Variants in MCM5 observed in about 807,000 individuals in gnomAD.
MCM5 encodes the protein DNA replication licensing factor MCM5.
In MCM5, 46 loss-of-function variants were observed where a neutral mutation model predicts 79.9. The ratio of observed to expected loss-of-function variants is 0.58; its 90% CI spans 0.45 to 0.74. MCM5 has a LOEUF of 0.74. Ranked by LOEUF, MCM5 falls within the 30% of genes least tolerant of loss-of-function variation. The pLI is 0.00. For synonymous variants in MCM5, 404 were observed against 390.5 expected, an observed-to-expected ratio of 1.03 and a Z score of -0.41; for missense variants, 883 against 1,017.0, an observed-to-expected ratio of 0.87 and a Z score of 1.79.
intron 6 of MCM5, 53 bp from the exon 7 acceptor site, chr22:35,410,691 C>T: frequency 6.5e-7 from 1 of 1,530,220 alleles, no homozygotes; most frequent in Non-Finnish European, 9.1e-7. Flanking sequence ...CAGAGACTTG[C>T]TGTCCAAGTC....
Position 35,423,244 on chromosome 22 carries a change from A to C in MCM5, c.2006A>C (p.Gln669Pro), listed in dbSNP as rs1932739179. 1 of 1,600,410 alleles carries C rather than the reference A, an allele frequency of 6.2e-7. No homozygotes were observed. Among genetic ancestry groups the C allele is most frequent in the African/African-American group, 1.3e-5 (1 of 74,706 alleles). ...GVEGFTSQED[Q>P]EMLSRIEKQL... is the part of the protein sequence containing the mutation. Reference sequence around the variant, plus strand: ...GAGGGCTTCACCAGCCAGGAGGACCAGGAGATGCTGAGCCGCATCGAGAAG... The same window carrying C: ...GAGGGCTTCACCAGCCAGGAGGACCCGGAGATGCTGAGCCGCATCGAGAAG... The change falls in exon 16 of 17, where the codon CAG becomes CCG. Residue 669 changes from glutamine to proline, a missense_variant. Around this residue, in one of 3 missense-constraint regions of MCM5, gnomAD observed 426 missense variants for 482.3 expected, o/e 0.88. Coordinates refer to ENST00000216122, the MANE Select transcript of MCM5 (RefSeq NM_006739.4).
chr22:35,445,723 A>G, the MCM5 span, among the ~76,000 whole-genome samples: 1 of 151,968 alleles, frequency 6.6e-6, no homozygotes, highest in African/African-American at 2.4e-5. Context: ...GTTGGCCAGG[A>G]TGGTCTTGAT....
At position 35,403,237 on chromosome 22, in the gene MCM5, G is replaced by T. The variant is rs1932112326; in HGVS notation, c.198G>T (p.Gly66=). Residue 66 remains glycine, a synonymous_variant, in exon 3 of 17, where the codon GGG becomes GGT. Coordinates refer to ENST00000216122, the MANE Select transcript of MCM5 (RefSeq NM_006739.4). ...RDELKRHYNL[G]EYWIEVEMED... is the part of the protein sequence containing the mutation. ...AACTCAAGCGGCATTACAACCTGGG[G>T]GAGTACTGGATTGAGGTGGAGATGG... The T allele has an allele frequency of 1.2e-6, 2 of 1,614,010 alleles. No homozygotes were observed. The highest frequency in any genetic ancestry group is 3.3e-5 in the Admixed American group (2 of 59,996).
At chr22:35,431,155 G>T in the MCM5 span, among the ~76,000 whole-genome samples, 4 of 152,192 alleles carry the variant, frequency 2.6e-5, no homozygotes, top group Non-Finnish European at 5.9e-5. Context: ...CTGCCTGGAG[G>T]ATCCTCTGGT....
chr22:35,420,008 G>T lies in MCM5; in HGVS notation c.1828G>T (p.Val610Leu). 1 of 1,609,014 alleles carries T rather than the reference G, an allele frequency of 6.2e-7. No homozygotes were observed. Among genetic ancestry groups the T allele is most frequent in the Non-Finnish European group, 8.5e-7 (1 of 1,176,826 alleles). The change falls in exon 14 of 17, where the codon GTG (valine) becomes TTG (leucine). Residue 610 changes from valine (V) to leucine (L), a missense_variant. Coordinates refer to ENST00000216122, the MANE Select transcript of MCM5 (RefSeq NM_006739.4). ...SDRRSSIPIT[V>L]RQLEAIVRIA... ...CCGCCGCTCCAGCATCCCCATCACT[G>T]TGCGGTGAGCAGGCGGGCAGGGCTG...
intron 7 of MCM5, among the ~76,000 whole-genome samples, chr22:35,411,684 G>T (rs1303566083): frequency 2.0e-5 from 3 of 152,054 alleles, no homozygotes; most frequent in East Asian, 1.9e-4. Flanking sequence ...CTTCCCCAGG[G>T]CTCAGTCCAT....
downstream of MCM5, among the ~76,000 whole-genome samples, chr22:35,429,710 A>AT (rs1004683740): frequency 9.2e-5 from 14 of 151,710 alleles, no homozygotes; most frequent in Non-Finnish European, 1.3e-4. Context: ...TAATTTTTGT[A>AT]TTTTTAGTAG....
intron 15 of MCM5, chr22:35,422,425 G>A (rs1290226567): frequency 6.6e-6 from 1 of 152,436 alleles, no homozygotes; most frequent in African/African-American, 2.4e-5. Flanking sequence ...AGTTTCCCCA[G>A]GAGGGAGCAG....
chr22:35,424,072 C>T (rs1488334749), intron 16 of MCM5, 82 bp from the exon 17 acceptor site: 1 of 882,376 alleles, frequency 1.1e-6, no homozygotes, highest in East Asian at 2.8e-5. Context: ...GTACAAAGTT[C>T]CCCGTGAGCC....
At chr22:35,442,720 A>G in the MCM5 span, among the ~76,000 whole-genome samples, 1 of 152,170 alleles carries the variant, frequency 6.6e-6, no homozygotes. Flanking sequence ...GCTCATCCTG[A>G]TAATCCCCAA....
chr22:35,430,135 G>A (rs1932802994), downstream of MCM5, among the ~76,000 whole-genome samples: 1 of 152,160 alleles, frequency 6.6e-6, no homozygotes, highest in Admixed American at 6.5e-5. Flanking sequence ...ATTGAGCATG[G>A]TACCTTTCAG....
At chr22:35,410,948 A>G in intron 7 of MCM5, 38 bp downstream of exon 7, 1 of 1,542,832 alleles carries the variant, frequency 6.5e-7, no homozygotes, top group Non-Finnish European at 8.7e-7. Context: ...GCCCTGCTAA[A>G]AGGCTGTGCT....
the MCM5 span, among the ~76,000 whole-genome samples, chr22:35,440,184 G>A: frequency 6.6e-6 from 1 of 152,188 alleles, no homozygotes. Flanking sequence ...GAACCCTTGA[G>A]TAGGCCCTGT....
chr22:35,400,907 C>T (rs1216162512), intron 2 of MCM5, among the ~76,000 whole-genome samples: 1 of 152,226 alleles, frequency 6.6e-6, no homozygotes, highest in Non-Finnish European at 1.5e-5. Flanking sequence ...GCAACCTCCG[C>T]TTCCCGGGTT....
chr22:35,431,526 C>T, the MCM5 span, among the ~76,000 whole-genome samples: 1 of 152,216 alleles, frequency 6.6e-6, no homozygotes, highest in Non-Finnish European at 1.5e-5. Context: ...TCCCCCTTCT[C>T]TCTGACCGTC....
chr22:35,453,974 G>C, the MCM5 span, among the ~76,000 whole-genome samples: 4 of 151,670 alleles, frequency 2.6e-5, no homozygotes, highest in Non-Finnish European at 5.9e-5. Context: ...GCTGCCACCA[G>C]CCCGCTCTCC....
chr22:35,416,908 T>C (rs1932561093), intron 12 of MCM5, 94 bp downstream of exon 12: 3 of 1,420,252 alleles, frequency 2.1e-6, no homozygotes, highest in Non-Finnish European at 2.9e-6. Flanking sequence ...GGGCCTTGGC[T>C]GGCAAAGTCC....
At chr22:35,406,304 C>CCG (rs1555903436) in intron 4 of MCM5, among the ~76,000 whole-genome samples, 2 of 144,342 alleles carry the variant, frequency 1.4e-5, no homozygotes, top group Admixed American at 6.9e-5. Context: ...CCACCTCCCC[C>CCG]CCCAATTGTG....
chr22:35,421,127 C>CAAAA (rs133430), intron 14 of MCM5, among the ~76,000 whole-genome samples, 191 bp from the exon 15 acceptor site: 2 of 88,884 alleles, frequency 2.3e-5, no homozygotes, highest in East Asian at 3.3e-4. Flanking sequence ...GACTTTGTCT[C>CAAAA]AAAAAAAAAA....
Sources: gnomAD v4.1 joint callset for allele counts (sites outside exome capture counted in the v4.1 genomes callset) on GRCh38, gnomAD v4.1.1 for gene constraint, gnomAD v4.1.1 regional missense constraint, MANE v1.5 for transcripts, NCBI Gene and HGNC (gene_info 2026-07-23, HGNC 2026-07-21) for gene names.